Variants in SNAP47 observed in about 807,000 individuals in gnomAD.
The protein encoded by SNAP47 is synaptosome associated protein 47, also known as synaptosomal-associated protein 47.
Under a neutral mutation model 31.4 loss-of-function variants are expected in SNAP47, and 20 were observed. That is an observed-to-expected ratio of 0.64 (90% CI 0.45 to 0.93). The LOEUF (loss-of-function observed/expected upper bound fraction) is 0.93, where lower values mean the gene tolerates loss of function less well. SNAP47 is among the 40% of genes least tolerant of loss of function. SNAP47 has a pLI of 0.00. For missense variants in SNAP47, 492 were observed against 528.5 expected (o/e 0.93, Z 0.68); for synonymous variants, 194 against 213.4 (o/e 0.91, Z 0.79).
In SNAP47 at chr1:227,763,319, G is replaced by C. The variant is rs1384485883; in HGVS notation, c.989-3640G>C. 6.6e-6 allele frequency among the ~76,000 whole-genome samples: 1 copy of C among 152,156 alleles called. No homozygotes were observed. The highest frequency in any genetic ancestry group is 6.5e-5 in the Admixed American group (1 of 15,282). On this transcript the variant is annotated intron_variant, in intron 3 of 4. Transcript: ENST00000617596. The surrounding 1 kb of genome is among the most constrained non-coding windows in gnomAD (Gnocchi z 4.2). ...TCTTTGTCACTCACTGCCTGTCTTG[G>C]GGGTAAGGCCTGCCTGGGCTTCCAG...
upstream of SNAP47, chr1:227,734,230 T>TG: frequency 1.6e-6 from 1 of 613,808 alleles, no homozygotes; most frequent in East Asian, 2.8e-5. Context: ...ACAATGGTTC[T>TG]GCTTATTAGA....
intron 2 of SNAP47, among the ~76,000 whole-genome samples, chr1:227,749,154 T>C (rs1662176883): frequency 6.6e-6 from 1 of 152,168 alleles, no homozygotes; most frequent in African/African-American, 2.4e-5. Flanking sequence ...ATAGCCTTGT[T>C]TTGCTTATGG....
Position 227,780,531 on chromosome 1 carries a change from T to G in SNAP47, c.1118T>G (p.Leu373Arg), listed in dbSNP as rs1664402821. 1 of 1,613,822 alleles carries G rather than the reference T, an allele frequency of 6.2e-7. No homozygotes were observed. Among genetic ancestry groups the G allele is most frequent in the African/African-American group, 1.3e-5 (1 of 74,928 alleles). Residue 373 changes from leucine (L) to arginine (R), a missense_variant, in exon 5 of 5, where the codon CTG becomes CGG. Coordinates refer to ENST00000617596, the MANE Select transcript of SNAP47 (RefSeq NM_053052.4). ...TGATCTTGTGCTTCTCCCCAGATCC[T>G]GAGGAGGATGAAGGGGCTGGCCCTG... ...EADTQELTQI[L>R]RRMKGLALEA...
At chr1:227,773,741 G>A (rs1055693180) in intron 4 of SNAP47, among the ~76,000 whole-genome samples, 1 of 152,216 alleles carries the variant, frequency 6.6e-6, no homozygotes, top group Non-Finnish European at 1.5e-5. Flanking sequence ...GTGCTGTGGT[G>A]TGCCATGCAG....
At chr1:227,729,709 G>C (rs563878609) in intron 1 of SNAP47, among the ~76,000 whole-genome samples, 1 of 152,172 alleles carries the variant, frequency 6.6e-6, no homozygotes, top group Admixed American at 6.5e-5. Flanking sequence ...CAGGATGCAG[G>C]GAGCCTGGTT....
At chr1:227,759,514 T>C in intron 3 of SNAP47, 29 bp downstream of exon 3, 2 of 1,599,224 alleles carry the variant, frequency 1.3e-6, no homozygotes, top group Non-Finnish European at 1.7e-6. Flanking sequence ...AGTGAGCGCG[T>C]GCACAGACTT....
Position 227,780,262 on chromosome 1 carries a change from T to C in SNAP47, c.1114-265T>C, listed in dbSNP as rs114783595. ...GCAGCCTGGAGATGGCAGGCCAGGG[T>C]GTGGCCACTGCACCAGGCAGGAGGT... is the stretch of plus-strand genomic sequence containing the variant. On this transcript the variant is annotated intron_variant, in intron 4 of 4. Coordinates refer to ENST00000617596, the MANE Select transcript of SNAP47 (RefSeq NM_053052.4). 7.8e-3 allele frequency among the ~76,000 whole-genome samples: 1,186 copies of C among 152,230 alleles called. 15 individuals carry two copies. The highest frequency in any genetic ancestry group is 0.027 in the African/African-American group (1,111 of 41,534).
intron 4 of SNAP47, chr1:227,775,656 C>T (rs1052967675): frequency 1.4e-5 from 12 of 872,340 alleles, no homozygotes; most frequent in Admixed American, 7.8e-5. Flanking sequence ...TAATGGTGCG[C>T]GCATGGACAC....
At chr1:227,745,060 G>A (rs1025622167) in intron 1 of SNAP47, among the ~76,000 whole-genome samples, 1 of 152,236 alleles carries the variant, frequency 6.6e-6, no homozygotes, top group East Asian at 1.9e-4. Context: ...CTGGGCTTTT[G>A]CCTGAGGCAG....
upstream of SNAP47, chr1:227,734,417 G>A (rs368593125): frequency 1.1e-5 from 5 of 437,820 alleles, no homozygotes; most frequent in African/African-American, 1.0e-4. Flanking sequence ...CCAGGTACTA[G>A]GGAGGCTGAG....
At chr1:227,729,803 C>G (rs1470094487) in intron 1 of SNAP47, among the ~76,000 whole-genome samples, 3 of 152,186 alleles carry the variant, frequency 2.0e-5, no homozygotes, top group Non-Finnish European at 1.5e-5. Context: ...AAGCCCAGGG[C>G]AGGGCAGGCA....
chr1:227,780,635 A>G lies in SNAP47; in HGVS notation c.1222A>G (p.Ile408Val), dbSNP rs1426098852. The change falls in exon 5 of 5, where the codon ATC becomes GTC. Residue 408 changes from isoleucine to valine, a missense_variant. Ile to Val is a conservative substitution (Grantham distance 29). Coordinates refer to ENST00000617596, the MANE Select transcript of SNAP47 (RefSeq NM_053052.4). The part of the protein sequence containing the change: ...AAAVDRATLT[I>V]DKHNRRMKRL... ...AGCTGTGGACAGGGCAACCTTGACC[A>G]TCGACAAGCACAACAGGCGGATGAA... is the stretch of plus-strand genomic sequence containing the variant. 5 of 1,614,082 alleles carry G rather than the reference A, an allele frequency of 3.1e-6. No individual in the cohort carries two copies. Among genetic ancestry groups the G allele is most frequent in the Non-Finnish European group, 4.2e-6 (5 of 1,180,030 alleles).
upstream of SNAP47, chr1:227,734,565 C>T: frequency 2.2e-6 from 3 of 1,365,440 alleles, no homozygotes; most frequent in Non-Finnish European, 3.1e-6. Flanking sequence ...CCGTTGTGCA[C>T]CCAGGGGCCA....
chr1:227,733,814 G>A, upstream of SNAP47: 12 of 1,588,734 alleles, frequency 7.6e-6, no homozygotes, highest in South Asian at 1.2e-4. Context: ...TGTGAGGCCT[G>A]TGCCAAGCAG....
At position 227,763,154 on chromosome 1, in the gene SNAP47, C is replaced by T. The variant is rs1002111512; in HGVS notation, c.988+3669C>T. 1.3e-5 allele frequency among the ~76,000 whole-genome samples: 2 copies of T among 151,722 alleles called. No homozygotes were observed. Among genetic ancestry groups the T allele is most frequent in the South Asian group, 2.1e-4 (1 of 4,804 alleles). ...TTTTTTTTTAATTATGGGGTCTTGCCGTGTTGCCTAGGCTGGTCTTGAACT... is the reference window on the plus strand; with the variant it reads ...TTTTTTTTTAATTATGGGGTCTTGCTGTGTTGCCTAGGCTGGTCTTGAACT... On this transcript the variant is annotated intron_variant, in intron 3 of 4. Coordinates refer to ENST00000617596, the MANE Select transcript of SNAP47 (RefSeq NM_053052.4). This position sits in a 1 kb window ranked among gnomAD's most constrained non-coding sequence, Gnocchi z 4.2.
chr1:227,770,183 G>A (rs999401343), intron 4 of SNAP47, among the ~76,000 whole-genome samples: 1 of 152,214 alleles, frequency 6.6e-6, no homozygotes, highest in Non-Finnish European at 1.5e-5. Flanking sequence ...TGCCTGTGAC[G>A]TCTCCATAAA....
chr1:227,735,378 C>T (rs370602510), upstream of SNAP47: 4 of 1,588,946 alleles, frequency 2.5e-6, no homozygotes, highest in African/African-American at 5.4e-5. Flanking sequence ...CGTTTCTGCC[C>T]CGCCAGCGCC....
upstream of SNAP47, chr1:227,732,009 G>A (rs1660681141): frequency 3.5e-6 from 1 of 282,596 alleles, no homozygotes; most frequent in Non-Finnish European, 6.9e-6. Context: ...AGAGCCAGGG[G>A]TGGTCCAATG....
upstream of SNAP47, chr1:227,732,237 A>C: frequency 1.2e-6 from 1 of 862,860 alleles, no homozygotes; most frequent in Non-Finnish European, 1.8e-6. Context: ...CCTCACCTGA[A>C]AACAGGCACC....
Sources: allele counts gnomAD v4.1 joint callset (sites outside exome capture counted in the v4.1 genomes callset), GRCh38; gene constraint gnomAD v4.1.1; non-coding constraint Gnocchi (gnomAD v3.1); transcripts MANE v1.5; gene names NCBI Gene and HGNC (gene_info 2026-07-23, HGNC 2026-07-21).